The following NUBPL variants were observed in gnomAD, a reference collection of about 807,000 sequenced individuals.
NUBPL encodes the protein iron-sulfur cluster transfer protein NUBPL.
NUBPL carries 31 observed loss-of-function variants against 45.7 expected under a neutral mutation model. The ratio of observed to expected loss-of-function variants is 0.68; its 90% CI spans 0.51 to 0.92. The LOEUF (loss-of-function observed/expected upper bound fraction) is 0.92. Among genes scored for constraint, NUBPL ranks in the 40% least tolerant of loss-of-function variants. The pLI is 0.00. For synonymous variants in NUBPL, 144 were observed against 140.9 expected (o/e 1.02, Z -0.15); for missense variants, 401 against 398.7 (o/e 1.01, Z -0.05).
chr14:31,755,529 A>G (rs76412916), intron 6 of NUBPL, among the ~76,000 whole-genome samples: 151,145 of 151,862 alleles, frequency 1, 75,220 homozygotes, highest in Middle Eastern at 1. Flanking sequence ...TCCTTCGCCC[A>G]CTTTTTGATG....
chr14:31,585,575 G>A (rs2033974618), intron 3 of NUBPL, among the ~76,000 whole-genome samples: 1 of 152,140 alleles, frequency 6.6e-6, no homozygotes, highest in Admixed American at 6.5e-5. Flanking sequence ...CAATGGAATT[G>A]GTGATCATAC....
chr14:31,641,498 A>G (rs763710187), intron 4 of NUBPL, among the ~76,000 whole-genome samples: 1 of 152,186 alleles, frequency 6.6e-6, no homozygotes, highest in East Asian at 1.9e-4. Flanking sequence ...GTTATTGAAC[A>G]TGACAGGATT....
chr14:31,804,996 A>G (rs1365943029), intron 7 of NUBPL, among the ~76,000 whole-genome samples: 1 of 152,172 alleles, frequency 6.6e-6, no homozygotes, highest in Non-Finnish European at 1.5e-5. Context: ...GAGTAAACAG[A>G]CAGCCTACAG....
Position 31,673,385 on chromosome 14 carries a change from G to A in NUBPL, c.413G>A (p.Gly138Asp), listed in dbSNP as rs201412882. Residue 138 changes from glycine (G) to aspartate (D), a missense_variant, in exon 5 of 11, where the codon GGT becomes GAT. Physicochemically the swap from Gly to Asp is moderately conservative, Grantham distance 94. Transcript: ENST00000281081. ...SNLMRPLLNY[G>D]IACMSMGFLV... is the part of the protein sequence containing the mutation. Reference sequence around the variant, plus strand: ...CTAATGAGGCCTCTCTTGAATTATGGTATTGCTTGGTGAGCATATATATAT... The same window carrying A: ...CTAATGAGGCCTCTCTTGAATTATGATATTGCTTGGTGAGCATATATATAT... 9.0e-4 allele frequency: 1,444 copies of A among 1,607,486 alleles called. 4 individuals carry two copies. Among genetic ancestry groups the A allele is most frequent in the Non-Finnish European group, 1.1e-3 (1,303 of 1,176,518 alleles).
chr14:31,849,614 A>G (rs548614399), intron 9 of NUBPL, among the ~76,000 whole-genome samples: 1 of 152,350 alleles, frequency 6.6e-6, no homozygotes, highest in East Asian at 1.9e-4. Context: ...TGTCTGATAA[A>G]GAGACAGATA....
At chr14:31,764,586 G>T (rs1009967444) in intron 6 of NUBPL, among the ~76,000 whole-genome samples, 1 of 152,070 alleles carries the variant, frequency 6.6e-6, no homozygotes. Context: ...ACCTATTTAG[G>T]CAAGAACAAC....
At chr14:31,755,431 C>A (rs1009738615) in intron 6 of NUBPL, among the ~76,000 whole-genome samples, 11 of 152,240 alleles carry the variant, frequency 7.2e-5, no homozygotes, top group African/African-American at 2.4e-4. Flanking sequence ...TTTTGATTTG[C>A]ATTTCTCTGA....
At chr14:31,748,297 T>C (rs2038444769) in intron 6 of NUBPL, among the ~76,000 whole-genome samples, 1 of 152,234 alleles carries the variant, frequency 6.6e-6, no homozygotes, top group Non-Finnish European at 1.5e-5. Context: ...AAATGTTCTG[T>C]TAATGTTTGT....
intron 6 of NUBPL, among the ~76,000 whole-genome samples, chr14:31,774,446 C>T (rs1208764626): frequency 6.6e-6 from 1 of 152,182 alleles, no homozygotes; most frequent in East Asian, 1.9e-4. Context: ...AACCTATTTG[C>T]ACTTGTGTTC....
At chr14:31,795,074 C>T (rs1249502258) in intron 7 of NUBPL, among the ~76,000 whole-genome samples, 1 of 149,298 alleles carries the variant, frequency 6.7e-6, no homozygotes, top group Non-Finnish European at 1.5e-5. Flanking sequence ...GGCCTCTGTT[C>T]TGTTCCATTG....
intron 6 of NUBPL, among the ~76,000 whole-genome samples, chr14:31,706,288 G>C (rs1171919812): frequency 6.6e-6 from 1 of 152,236 alleles, no homozygotes; most frequent in African/African-American, 2.4e-5. Flanking sequence ...CTTTAGGCCA[G>C]TGGAAGGGCC....
intron 4 of NUBPL, among the ~76,000 whole-genome samples, chr14:31,648,313 C>T (rs1413582935): frequency 6.6e-6 from 1 of 152,118 alleles, no homozygotes; most frequent in African/African-American, 2.4e-5. Context: ...TAAGAAAAGC[C>T]ATGGACTGGA....
chr14:31,664,024 T>C (rs1005687440), intron 4 of NUBPL, among the ~76,000 whole-genome samples: 3 of 152,218 alleles, frequency 2.0e-5, no homozygotes, highest in Non-Finnish European at 4.4e-5. Context: ...TCACTCATGA[T>C]TTGGCTCTCT....
intron 6 of NUBPL, among the ~76,000 whole-genome samples, chr14:31,781,708 ATTTCT>A (rs956585161): frequency 3.0e-4 from 46 of 152,134 alleles, no homozygotes; most frequent in African/African-American, 1.0e-3. Flanking sequence ...ACTTTTTAAA[ATTTCT>A]TTTAATTATA....
At chr14:31,648,240 A>G (rs956533376) in intron 4 of NUBPL, among the ~76,000 whole-genome samples, 1 of 152,230 alleles carries the variant, frequency 6.6e-6, no homozygotes, top group African/African-American at 2.4e-5. Flanking sequence ...CAAACCAGGC[A>G]ATTAAAAGTT....
rs1471479286 is a variant in NUBPL, at chr14:31,655,794, A to C, written c.383-17561A>C. On this transcript the variant is annotated intron_variant, in intron 4 of 10. Coordinates refer to ENST00000281081, the MANE Select transcript of NUBPL (RefSeq NM_025152.3). ...TATAGAGCACAGGCAGAGTAGATTT[A>C]GCATAATTTTTGAGAGCCCTTGTAT... 2.4e-4 allele frequency among the ~76,000 whole-genome samples: 37 copies of C among 152,228 alleles called. 1 individual carries two copies. Among genetic ancestry groups the C allele is most frequent in the Admixed American group, 2.4e-3 (37 of 15,282 alleles).
chr14:31,753,379 C>T (rs1486770441), intron 6 of NUBPL, among the ~76,000 whole-genome samples: 1 of 152,114 alleles, frequency 6.6e-6, no homozygotes, highest in South Asian at 2.1e-4. Flanking sequence ...GCCCACCATT[C>T]CTCACACCCT....
At chr14:31,645,677 CAT>C (rs2035828141) in intron 4 of NUBPL, among the ~76,000 whole-genome samples, 1 of 150,382 alleles carries the variant, frequency 6.6e-6, no homozygotes, top group African/African-American at 2.4e-5. Flanking sequence ...TGCAAAAAAA[CAT>C]AACAAGCTAT....
chr14:31,852,992 G>A (rs2040561398), intron 10 of NUBPL, among the ~76,000 whole-genome samples: 2 of 152,214 alleles, frequency 1.3e-5, no homozygotes, highest in Non-Finnish European at 2.9e-5. Flanking sequence ...TTGCCAACAT[G>A]ATAAAACTTC....
Sources: gnomAD v4.1 joint callset for allele counts (sites outside exome capture counted in the v4.1 genomes callset) on GRCh38, gnomAD v4.1.1 for gene constraint, MANE v1.5 for transcripts, NCBI Gene and HGNC (gene_info 2026-07-23, HGNC 2026-07-21) for gene names.